Variants in RBFOX3 observed in about 807,000 individuals in gnomAD.
RBFOX3 encodes the protein RNA binding protein fox-1 homolog 3.
A neutral mutation model predicts 48.7 loss-of-function variants in RBFOX3; 17 were observed. The observed-to-expected ratio is 0.35, with a 90% CI of 0.24 to 0.52. RBFOX3 has a LOEUF of 0.52. Among genes scored for constraint, RBFOX3 ranks in the 20% least tolerant of loss-of-function variants. The pLI, the probability that RBFOX3 is intolerant of heterozygous loss-of-function variation, is 0.94. For synonymous variants in RBFOX3, 212 were observed against 209.5 expected, an observed-to-expected ratio of 1.01 and a Z score of -0.10; for missense variants, 382 against 497.5, an observed-to-expected ratio of 0.77 and a Z score of 2.21.
rs1375315263 is a variant in RBFOX3, at chr17:79,392,252, ACT to A, written c.-174-84430_-174-84429del. 1.3e-5 allele frequency among the ~76,000 whole-genome samples: 2 copies of A among 152,134 alleles called. No homozygotes were observed. ...TGCCAACGATTGTTCCAGAATCCAAACTCACACAGCAGAGAGAGGCAGCTCAG... is the reference window on the plus strand; with the variant it reads ...TGCCAACGATTGTTCCAGAATCCAAACACACAGCAGAGAGAGGCAGCTCAG... On this transcript the variant is annotated intron_variant, in intron 2 of 14. Transcript: ENST00000693108. The surrounding 1 kb of genome is among the most constrained non-coding windows in gnomAD (Gnocchi z 5.0).
chr17:79,292,751 G>A (rs897690300), intron 3 of RBFOX3, among the ~76,000 whole-genome samples: 37 of 152,102 alleles, frequency 2.4e-4, no homozygotes, highest in Admixed American at 2.2e-3. Context: ...TCTTTCCTCC[G>A]CTCAATTCTG....
chr17:79,380,623 C>G (rs1460816422), intron 2 of RBFOX3, among the ~76,000 whole-genome samples: 1 of 152,156 alleles, frequency 6.6e-6, no homozygotes, highest in African/African-American at 2.4e-5. Flanking sequence ...GGGTGAGGGG[C>G]AGGCACTCAG....
intron 1 of RBFOX3, among the ~76,000 whole-genome samples, chr17:79,594,152 C>T (rs2093502613): frequency 6.6e-6 from 1 of 152,094 alleles, no homozygotes; most frequent in South Asian, 2.1e-4. Flanking sequence ...GAGGTGGGTC[C>T]TCCTGACCCA....
At chr17:79,594,574 C>A (rs1189289226) in intron 1 of RBFOX3, among the ~76,000 whole-genome samples, 1 of 152,216 alleles carries the variant, frequency 6.6e-6, no homozygotes, top group Non-Finnish European at 1.5e-5. Flanking sequence ...GCCACACAAA[C>A]CCAGCACCTC....
intron 1 of RBFOX3, among the ~76,000 whole-genome samples, chr17:79,506,208 T>C (rs1555778691): frequency 1.3e-5 from 2 of 152,168 alleles, no homozygotes; most frequent in East Asian, 1.9e-4. Context: ...TTCTAGACTT[T>C]CCTCCATCAG....
intron 1 of RBFOX3, among the ~76,000 whole-genome samples, chr17:79,500,077 A>G (rs1360843615): frequency 2.6e-5 from 4 of 152,034 alleles, no homozygotes; most frequent in African/African-American, 9.7e-5. Context: ...TGTCATTGCC[A>G]TGGTTGGCTC....
At chr17:79,369,072 C>T (rs59140382) in intron 2 of RBFOX3, among the ~76,000 whole-genome samples, 1,681 of 152,272 alleles carry the variant, frequency 0.011, 28 homozygotes, top group African/African-American at 0.037. Context: ...AGCTCTGCCA[C>T]CCCTGGACAG....
At chr17:79,139,813 G>A (rs529399407) in intron 4 of RBFOX3, among the ~76,000 whole-genome samples, 3 of 152,244 alleles carry the variant, frequency 2.0e-5, no homozygotes, top group Non-Finnish European at 4.4e-5. Flanking sequence ...CTGCACTGAC[G>A]ATGCCGGAGG....
At chr17:79,654,794 G>A in the RBFOX3 span, among the ~76,000 whole-genome samples, 1 of 152,172 alleles carries the variant, frequency 6.6e-6, no homozygotes, top group Admixed American at 6.5e-5. Flanking sequence ...GTGGCCTTCA[G>A]AGCCAACGTA....
At chr17:79,270,613 C>T (rs746948946) in intron 3 of RBFOX3, among the ~76,000 whole-genome samples, 56 of 152,370 alleles carry the variant, frequency 3.7e-4, no homozygotes, top group Middle Eastern at 6.8e-3. Context: ...CAGGCCAGGA[C>T]GCACCACTAA....
chr17:79,562,157 A>G (rs1248576893), intron 1 of RBFOX3, among the ~76,000 whole-genome samples: 2 of 152,358 alleles, frequency 1.3e-5, no homozygotes, highest in East Asian at 1.9e-4. Context: ...AAAGCCTTGT[A>G]GAATGGTTCG....
intron 2 of RBFOX3, among the ~76,000 whole-genome samples, chr17:79,434,549 C>G (rs537042809): frequency 9.9e-5 from 15 of 152,264 alleles, no homozygotes; most frequent in Non-Finnish European, 2.1e-4. Context: ...GCATAAAAAT[C>G]CCAGTGTTCA....
chr17:79,520,188 G>T (rs1490107732), intron 1 of RBFOX3, among the ~76,000 whole-genome samples: 1 of 152,220 alleles, frequency 6.6e-6, no homozygotes, highest in Non-Finnish European at 1.5e-5. Context: ...CTGTGGAGTG[G>T]GGCTCACCGG....
chr17:79,517,974 A>C (rs2085497417), intron 1 of RBFOX3, among the ~76,000 whole-genome samples: 1 of 152,190 alleles, frequency 6.6e-6, no homozygotes, highest in African/African-American at 2.4e-5. Context: ...GGAGAAACCG[A>C]ACGAGACTCC....
At chr17:79,157,730 T>A (rs902861634) in intron 4 of RBFOX3, among the ~76,000 whole-genome samples, 3 of 152,116 alleles carry the variant, frequency 2.0e-5, no homozygotes, top group African/African-American at 7.2e-5. Context: ...CACCACCACC[T>A]CTTAAGGCTG....
rs1005088350 is a variant in RBFOX3, at chr17:79,527,950, C to T, written c.-319-45352G>A. ...CCTTCCTCTTTCTGCCGAGTCAGGG[C>T]TTGCTGTGGATTGAATTGTGCCCAC... is the stretch of plus-strand genomic sequence containing the variant. On this transcript the variant is annotated intron_variant, in intron 1 of 14. Coordinates refer to ENST00000693108, the MANE Select transcript of RBFOX3 (RefSeq NM_001350451.2). 4.7e-4 allele frequency among the ~76,000 whole-genome samples: 72 copies of T among 152,320 alleles called. 1 individual carries two copies. The highest frequency in any genetic ancestry group is 9.8e-4 in the Non-Finnish European group (67 of 68,022).
chr17:79,230,573 C>T (rs1349321944), intron 4 of RBFOX3, among the ~76,000 whole-genome samples: 1 of 152,140 alleles, frequency 6.6e-6, no homozygotes, highest in African/African-American at 2.4e-5. Context: ...TTATTCTTTA[C>T]AATCAAAATG....
chr17:79,380,413 T>C (rs926025018), intron 2 of RBFOX3, among the ~76,000 whole-genome samples: 1 of 152,252 alleles, frequency 6.6e-6, no homozygotes, highest in African/African-American at 2.4e-5. Flanking sequence ...CGACAGGCTG[T>C]GCATTCACAA....
At chr17:79,655,356 C>T in the RBFOX3 span, among the ~76,000 whole-genome samples, 26 of 152,286 alleles carry the variant, frequency 1.7e-4, no homozygotes, top group African/African-American at 4.8e-4. Flanking sequence ...GAAATAACCA[C>T]GTTCCCACCC....
Sources: allele counts gnomAD v4.1 joint callset (sites outside exome capture counted in the v4.1 genomes callset), GRCh38; gene constraint gnomAD v4.1.1; non-coding constraint Gnocchi (gnomAD v3.1); transcripts MANE v1.5; gene names NCBI Gene and HGNC (gene_info 2026-07-23, HGNC 2026-07-21).